Variants in KCNT2 observed in about 807,000 individuals in gnomAD.
KCNT2 encodes the protein potassium channel subfamily T member 2.
A neutral mutation model predicts 153.8 loss-of-function variants in KCNT2; 67 were observed. That is an observed-to-expected ratio of 0.44 (90% CI 0.36 to 0.53). The LOEUF (loss-of-function observed/expected upper bound fraction) is 0.53. Among genes scored for constraint, KCNT2 ranks in the 20% least tolerant of loss-of-function variants. KCNT2 has a pLI of 0.00. For missense variants in KCNT2, 975 were observed against 1,354.8 expected (o/e 0.72, Z 4.40); for synonymous variants, 500 against 458.8 (o/e 1.09, Z -1.15).
intron 22 of KCNT2, among the ~76,000 whole-genome samples, chr1:196,301,825 C>T (rs1661209901): frequency 1.3e-5 from 2 of 152,134 alleles, no homozygotes; most frequent in African/African-American, 2.4e-5. Context: ...CTACACCTTC[C>T]ACCTCCTGGA....
At chr1:196,495,660 T>C (rs1680195934) in intron 1 of KCNT2, among the ~76,000 whole-genome samples, 3 of 152,202 alleles carry the variant, frequency 2.0e-5, no homozygotes, top group African/African-American at 7.2e-5. Flanking sequence ...TTTCTGGACC[T>C]TCCCCAGAAC....
chr1:196,239,518 T>C (rs191229380), intron 26 of KCNT2, among the ~76,000 whole-genome samples: 20 of 152,066 alleles, frequency 1.3e-4, no homozygotes, highest in Admixed American at 7.2e-4. Context: ...TAGATCACAT[T>C]AGAAAAGGGA....
chr1:196,581,675 T>C (rs899277124), intron 1 of KCNT2, among the ~76,000 whole-genome samples: 9 of 152,118 alleles, frequency 5.9e-5, no homozygotes, highest in African/African-American at 1.7e-4. Context: ...ATATTTTCTT[T>C]CATTTATTTA....
intron 1 of KCNT2, among the ~76,000 whole-genome samples, chr1:196,556,076 C>T (rs1051167943): frequency 6.6e-6 from 1 of 151,362 alleles, no homozygotes; most frequent in African/African-American, 2.4e-5. Context: ...GGAAACTCTC[C>T]AGAACATTGA....
chr1:196,520,658 T>C (rs1438754696), intron 1 of KCNT2, among the ~76,000 whole-genome samples: 1 of 152,042 alleles, frequency 6.6e-6, no homozygotes, highest in Non-Finnish European at 1.5e-5. Flanking sequence ...CCTACAACCA[T>C]CTGATCTTTG....
At chr1:196,252,151 AT>A (rs563722838) in intron 26 of KCNT2, among the ~76,000 whole-genome samples, 4 of 151,738 alleles carry the variant, frequency 2.6e-5, no homozygotes, top group Non-Finnish European at 5.9e-5. Context: ...TTTTAAAAAA[AT>A]TCTTCTTTTA....
At chr1:196,572,629 CTTTCTAAGGG>C (rs1174063669) in intron 1 of KCNT2, among the ~76,000 whole-genome samples, 1 of 151,980 alleles carries the variant, frequency 6.6e-6, no homozygotes, top group Non-Finnish European at 1.5e-5. Flanking sequence ...AATGCAAAGG[CTTTCTAAGGG>C]TGATGGATAC....
At chr1:196,501,366 C>A (rs1021700999) in intron 1 of KCNT2, among the ~76,000 whole-genome samples, 10 of 152,018 alleles carry the variant, frequency 6.6e-5, no homozygotes, top group Non-Finnish European at 1.3e-4. Context: ...GATACACACA[C>A]AAACACACAT....
chr1:196,398,748 T>A, intron 12 of KCNT2, 77 bp from the exon 13 acceptor site: 3 of 761,162 alleles, frequency 3.9e-6, no homozygotes, highest in Non-Finnish European at 4.3e-6. Context: ...AAGCAATCAG[T>A]TTGCTTGGTC....
rs752296658 is a variant in KCNT2, at chr1:196,280,974, T to C, written c.2796A>G (p.Ala932=). ...SGFLCSMKIT[A]DDLWIRTYAR... The stretch of plus-strand genomic sequence containing the variant: ...CATAAGTTCTGATCCATAAGTCATC[T>C]GCAGTGATTTTCATCTATAACACAC... Residue 932 remains alanine (A), a synonymous_variant, in exon 25 of 28, where the codon GCA becomes GCG. Coordinates refer to ENST00000294725, the MANE Select transcript of KCNT2 (RefSeq NM_198503.5). 6.2e-7 allele frequency: 1 copy of C among 1,610,978 alleles called. No individual in the cohort carries two copies. The highest frequency in any genetic ancestry group is 1.1e-5 in the South Asian group (1 of 90,948).
chr1:196,552,776 A>T (rs1658091252), intron 1 of KCNT2, among the ~76,000 whole-genome samples: 1 of 151,430 alleles, frequency 6.6e-6, no homozygotes, highest in Non-Finnish European at 1.5e-5. Context: ...AGGGAAATAT[A>T]GTTAAAGTGT....
At chr1:196,327,903 C>G (rs1664045549) in intron 18 of KCNT2, among the ~76,000 whole-genome samples, 3 of 151,842 alleles carry the variant, frequency 2.0e-5, no homozygotes, top group Non-Finnish European at 4.4e-5. Flanking sequence ...TCCCCAAATG[C>G]TGGGATTACA....
At chr1:196,563,694 C>T (rs771522454) in intron 1 of KCNT2, among the ~76,000 whole-genome samples, 7 of 151,754 alleles carry the variant, frequency 4.6e-5, no homozygotes, top group South Asian at 2.1e-4. Flanking sequence ...ATCCATTTAA[C>T]GCAACAATTA....
At chr1:196,419,326 C>T (rs1673005634) in intron 12 of KCNT2, among the ~76,000 whole-genome samples, 2 of 92,408 alleles carry the variant, frequency 2.2e-5, no homozygotes, top group African/African-American at 8.8e-5. Context: ...TCCCTCCCCC[C>T]TCCCCCCTCC....
At chr1:196,424,989 T>C (rs1453968574) in intron 11 of KCNT2, among the ~76,000 whole-genome samples, 1 of 151,884 alleles carries the variant, frequency 6.6e-6, no homozygotes, top group Non-Finnish European at 1.5e-5. Flanking sequence ...AAAGCACTTA[T>C]GCTATTCAAT....
intron 8 of KCNT2, among the ~76,000 whole-genome samples, chr1:196,454,576 T>C (rs950766858): frequency 6.6e-6 from 1 of 151,842 alleles, no homozygotes; most frequent in Non-Finnish European, 1.5e-5. Context: ...ATCTGTACCA[T>C]ATTTTCTTTA....
At chr1:196,486,158 G>A (rs187169359) in intron 3 of KCNT2, among the ~76,000 whole-genome samples, 43 of 152,008 alleles carry the variant, frequency 2.8e-4, no homozygotes, top group African/African-American at 1.0e-3. Flanking sequence ...TGTGTATAGA[G>A]AGAATTTGTA....
chr1:196,354,635 T>C (rs1667024385), intron 14 of KCNT2, among the ~76,000 whole-genome samples: 1 of 151,762 alleles, frequency 6.6e-6, no homozygotes. Context: ...GAGTTAAATA[T>C]AAATTTCTTT....
Position 196,227,796 on chromosome 1 carries a change from G to C in KCNT2, c.*428C>G, listed in dbSNP as rs1226031906. 6.5e-6 allele frequency: 1 copy of C among 153,100 alleles called. No homozygotes were observed. Among genetic ancestry groups the C allele is most frequent in the Non-Finnish European group, 1.5e-5 (1 of 68,418 alleles). The allele number at this position is 153,100 out of a possible 1,614,324, so 9.5% of individuals were successfully genotyped here. A position where few individuals can be genotyped will look rare whatever the true frequency, so the allele number is the denominator to read the frequency against. ...AGACATTTACGATGAGCTCAATTTT[G>C]TAAAACAGTAAGTTTAAAGAATATA... On this transcript the variant is annotated 3_prime_UTR_variant, in exon 28 of 28. Coordinates refer to ENST00000294725, the MANE Select transcript of KCNT2 (RefSeq NM_198503.5).
Sources: allele counts gnomAD v4.1 joint callset (sites outside exome capture counted in the v4.1 genomes callset), GRCh38; gene constraint gnomAD v4.1.1; transcripts MANE v1.5; gene names NCBI Gene and HGNC (gene_info 2026-07-23, HGNC 2026-07-21).